Variants in PRKDC observed in about 807,000 individuals in gnomAD.
The protein encoded by PRKDC is protein kinase, DNA-activated, catalytic subunit.
PRKDC carries 82 observed loss-of-function variants against 486.9 expected under a neutral mutation model. The observed-to-expected ratio is 0.17, with a 90% CI of 0.14 to 0.20. The LOEUF is 0.20. PRKDC is among the 10% of genes least tolerant of loss of function. The probability of loss-of-function intolerance (pLI) is 1.00; values close to 1 mark genes in which losing one functional copy is unlikely to be tolerated. For synonymous variants in PRKDC, 1,895 were observed against 1,837.0 expected, an observed-to-expected ratio of 1.03 and a Z score of -0.81; for missense variants, 4,504 against 5,038.2, an observed-to-expected ratio of 0.89 and a Z score of 3.21.
chr8:47,843,142 C>G (rs1413171815), intron 54 of PRKDC, among the ~76,000 whole-genome samples: 1 of 152,116 alleles, frequency 6.6e-6, no homozygotes, highest in Admixed American at 6.5e-5. Flanking sequence ...GCACTTCGGC[C>G]TGGGTTACAC....
intron 20 of PRKDC, 72 bp downstream of exon 20, chr8:47,927,699 G>T: frequency 7.1e-7 from 1 of 1,412,182 alleles, no homozygotes; most frequent in East Asian, 2.6e-5. Context: ...CAGGGCAAGA[G>T]GATGGTGTTT....
intron 62 of PRKDC, among the ~76,000 whole-genome samples, chr8:47,827,149 C>A (rs932455799): frequency 1.4e-5 from 2 of 147,612 alleles, no homozygotes; most frequent in Admixed American, 6.6e-5. Context: ...CACACACACA[C>A]ACACACACAC....
At chr8:47,936,310 G>T in intron 12 of PRKDC, 43 bp downstream of exon 12, 1 of 1,545,686 alleles carries the variant, frequency 6.5e-7, no homozygotes, top group South Asian at 1.2e-5. Context: ...TTGAAGAAAT[G>T]AAGATTAAAT....
At chr8:47,887,808 G>T in intron 34 of PRKDC, 103 bp from the exon 35 acceptor site, 1 of 1,187,052 alleles carries the variant, frequency 8.4e-7, no homozygotes, top group South Asian at 1.8e-5. Context: ...AGATAGCACT[G>T]ACAACTACCT....
intron 25 of PRKDC, among the ~76,000 whole-genome samples, chr8:47,910,684 G>T (rs1420690846): frequency 6.6e-6 from 1 of 152,080 alleles, no homozygotes; most frequent in African/African-American, 2.4e-5. Context: ...ATTAATTCTG[G>T]ATTTTTTACT....
intron 68 of PRKDC, among the ~76,000 whole-genome samples, chr8:47,815,489 A>C (rs2087424173): frequency 6.6e-6 from 1 of 152,242 alleles, no homozygotes; most frequent in Non-Finnish European, 1.5e-5. Flanking sequence ...AAACAGTAGA[A>C]GACAGGTAAG....
rs1230847135 is a variant in PRKDC at position 47,864,464 on chromosome 8, C to T, written c.5571+92G>A. ...GTTATGTGGCACACTCCTTGAACAG[C>T]AGAGGCCATGTGACTGAGCACACAG... On this transcript the variant is annotated intron_variant, in intron 41 of 85. Transcript: ENST00000314191. The T allele has an allele frequency of 2.6e-6, 3 of 1,157,678 alleles. No individual in the cohort carries two copies. The African/African-American group carries it at 4.6e-5, about 18-fold the overall frequency. 71.7% of individuals were successfully genotyped at this position (1,157,678 alleles called of 1,614,324 possible).
chr8:47,938,403 C>T (rs1407544197), intron 11 of PRKDC, among the ~76,000 whole-genome samples: 1 of 141,260 alleles, frequency 7.1e-6, no homozygotes, highest in Non-Finnish European at 1.5e-5. Flanking sequence ...AAAAGCGAAA[C>T]TCCAACTCAA....
chr8:47,825,206 T>A (rs2087707290), intron 63 of PRKDC, among the ~76,000 whole-genome samples: 1 of 152,146 alleles, frequency 6.6e-6, no homozygotes, highest in Non-Finnish European at 1.5e-5. Context: ...TTATGTTCAC[T>A]ATAACATGGT....
Position 47,860,985 on chromosome 8 carries a change from C to G in PRKDC, c.5986-14G>C. 1 of 1,529,128 alleles carries G rather than the reference C, an allele frequency of 6.5e-7. No homozygotes were observed. Among genetic ancestry groups the G allele is most frequent in the Non-Finnish European group, 8.9e-7 (1 of 1,121,326 alleles). 94.7% of individuals were successfully genotyped at this position (1,529,128 alleles called of 1,614,324 possible). A position where few individuals can be genotyped will look rare whatever the true frequency, so the allele number is the denominator to read the frequency against. ...TTCCATAGGAACCTATTGGGAAGAACAAATAAACAATGTAAAACATTTTAT... is the reference window on the plus strand; with the variant it reads ...TTCCATAGGAACCTATTGGGAAGAAGAAATAAACAATGTAAAACATTTTAT... On this transcript the variant is annotated splice_polypyrimidine_tract_variant and intron_variant, in intron 44 of 85. Coordinates refer to ENST00000314191, the MANE Select transcript of PRKDC (RefSeq NM_006904.7).
At position 47,782,345 on chromosome 8, in the gene PRKDC, C is replaced by T. The variant is rs1246806954; in HGVS notation, c.11396+33G>A. The T allele has an allele frequency of 6.2e-7, 1 of 1,609,658 alleles. No individual in the cohort carries two copies. On this transcript the variant is annotated intron_variant, in intron 79 of 85. Coordinates refer to ENST00000314191, the MANE Select transcript of PRKDC (RefSeq NM_006904.7). This position sits in a 1 kb window ranked among gnomAD's most constrained non-coding sequence, Gnocchi z 4.9. ...CCCGTGGACGCCAAGCAATATGCAG[C>T]AGCCTACTGGCTGGGAGCAGCCTGG...
Position 47,803,476 on chromosome 8 carries a change from T to C in PRKDC, c.9752A>G (p.Asn3251Ser), listed in dbSNP as rs199914880. The part of the protein sequence containing the change: ...KMIDSARKQN[N>S]FSLAMKLLKE... Reference sequence around the variant, plus strand: ...CAGTAGTTTCATAGCAAGTGAGAAATTGTTCTGTATGAATACAATAAAAAG... The same window carrying C: ...CAGTAGTTTCATAGCAAGTGAGAAACTGTTCTGTATGAATACAATAAAAAG... Residue 3251 changes from asparagine (N) to serine (S), a missense_variant, in exon 70 of 86, where the codon AAT (asparagine) becomes AGT (serine). This residue lies in a region of PRKDC where 1,592 missense variants were observed against 1,724.6 expected (regional missense o/e 0.92). Transcript: ENST00000314191. 5.8e-5 allele frequency: 94 copies of C among 1,613,716 alleles called. No individual in the cohort carries two copies. In the African/African-American group the frequency reaches 1.2e-3, roughly 20 times the overall value.
chr8:47,921,967 G>A (rs2090079031), intron 21 of PRKDC, among the ~76,000 whole-genome samples: 1 of 152,048 alleles, frequency 6.6e-6, no homozygotes. Context: ...TTTTAGTAGA[G>A]CCAGGGTTTT....
chr8:47,865,381 CAA>C (rs1193206075), intron 40 of PRKDC, among the ~76,000 whole-genome samples: 10 of 108,784 alleles, frequency 9.2e-5, no homozygotes, highest in Admixed American at 9.9e-5. Flanking sequence ...GACTCCGTCT[CAA>C]AAAAAAAAAA....
chr8:47,854,106 T>C lies in PRKDC; in HGVS notation c.6870A>G (p.Pro2290=), dbSNP rs1451034776. The C allele has an allele frequency of 6.2e-7, 1 of 1,613,906 alleles. No homozygotes were observed. Among genetic ancestry groups the C allele is most frequent in the South Asian group, 1.1e-5 (1 of 91,076 alleles). ...VMANDLPPYD[P]QCGIQSSEYF... The stretch of plus-strand genomic sequence containing the variant: ...ACTCGCTACTCTGGATGCCACACTG[T>C]GGGTCATAGGGAGGCAGGTCATTGG... Residue 2290 remains proline (P), a synonymous_variant, in exon 51 of 86, where the codon CCA becomes CCG. Coordinates refer to ENST00000314191, the MANE Select transcript of PRKDC (RefSeq NM_006904.7).
chr8:47,773,546 G>A lies in PRKDC; in HGVS notation c.*627C>T, dbSNP rs974565111. ...AATTTTTGCCCTCCTAAATAAAGAC[G>A]TTTCCTTCTAGAGAGCAAATCTATC... On this transcript the variant is annotated 3_prime_UTR_variant, in exon 86 of 86. Coordinates refer to ENST00000314191, the MANE Select transcript of PRKDC (RefSeq NM_006904.7). 1.4e-5 allele frequency: 3 copies of A among 219,554 alleles called. No homozygotes were observed. The highest frequency in any genetic ancestry group is 2.7e-5 in the Non-Finnish European group (3 of 109,600). 13.6% of individuals were successfully genotyped at this position (219,554 alleles called of 1,614,324 possible).
chr8:47,820,007 T>C (rs941121003), intron 66 of PRKDC, among the ~76,000 whole-genome samples: 1 of 152,174 alleles, frequency 6.6e-6, no homozygotes, highest in Non-Finnish European at 1.5e-5. Context: ...CAGGAAAAGA[T>C]TCGCAGAAAA....
At chr8:47,806,375 C>T (rs1025979538) in intron 69 of PRKDC, among the ~76,000 whole-genome samples, 13 of 152,346 alleles carry the variant, frequency 8.5e-5, no homozygotes, top group African/African-American at 3.1e-4. Context: ...CTGCTTTTCT[C>T]TCATCCAGTT....
rs185463250 is a variant in PRKDC at position 47,823,087 on chromosome 8, A to C, written c.8922+771T>G. ...CATTCCCTTGGTGATGAGTGATCCTAGCACTTTGGGAGGCCCAGGCATGAT... is the reference window on the plus strand; with the variant it reads ...CATTCCCTTGGTGATGAGTGATCCTCGCACTTTGGGAGGCCCAGGCATGAT... On this transcript the variant is annotated intron_variant, in intron 64 of 85. Transcript: ENST00000314191. Among the ~76,000 whole-genome samples the C allele has an allele frequency of 5.9e-5, 9 of 152,176 alleles. No homozygotes were observed. The East Asian group carries it at 1.2e-3, about 20-fold the overall frequency.
Sources: gnomAD v4.1 joint callset for allele counts (sites outside exome capture counted in the v4.1 genomes callset) on GRCh38, gnomAD v4.1.1 for gene constraint, gnomAD v4.1.1 regional missense constraint, Gnocchi (gnomAD v3.1) non-coding constraint, MANE v1.5 for transcripts, NCBI Gene and HGNC (gene_info 2026-07-23, HGNC 2026-07-21) for gene names.